Variants in BRWD1 observed in about 807,000 individuals in gnomAD.
BRWD1 encodes bromodomain and WD repeat-containing protein 1.
A neutral mutation model predicts 251.2 loss-of-function variants in BRWD1; 82 were observed. That is an observed-to-expected ratio of 0.33 (90% CI 0.27 to 0.39). The LOEUF (loss-of-function observed/expected upper bound fraction) is 0.39. BRWD1 is among the 10% of genes least tolerant of loss of function. The pLI, the probability that BRWD1 is intolerant of heterozygous loss-of-function variation, is 1.00. For missense variants in BRWD1, 2,233 were observed against 2,711.6 expected, an observed-to-expected ratio of 0.82 and a Z score of 3.92; for synonymous variants, 918 against 902.8, an observed-to-expected ratio of 1.02 and a Z score of -0.30.
At chr21:39,242,562 T>C (rs555062147) in intron 21 of BRWD1, among the ~76,000 whole-genome samples, 1 of 152,218 alleles carries the variant, frequency 6.6e-6, no homozygotes, top group South Asian at 2.1e-4. Flanking sequence ...GGAAAGTGGC[T>C]ACAATAACAG....
At chr21:39,233,793 G>A (rs1191871772) in intron 23 of BRWD1, among the ~76,000 whole-genome samples, 1 of 152,204 alleles carries the variant, frequency 6.6e-6, no homozygotes, top group East Asian at 1.9e-4. Context: ...GCTGAGGCAG[G>A]TGGATCACTT....
At chr21:39,249,915 GGTGTGTGTGTGTGTGTGT>G (rs368656743) in intron 20 of BRWD1, among the ~76,000 whole-genome samples, 1 of 68,590 alleles carries the variant, frequency 1.5e-5, no homozygotes, top group Admixed American at 1.5e-4. Context: ...AAAGAAGGGG[GGTGTGTGTGTGTGTGTGT>G]GTGTGTGTGT....
At chr21:39,307,177 A>G (rs1383302342) in intron 4 of BRWD1, among the ~76,000 whole-genome samples, 6 of 152,180 alleles carry the variant, frequency 3.9e-5, no homozygotes. Flanking sequence ...TAATCATAAA[A>G]TATTTTATAC....
rs1193193531 is a variant in BRWD1, at chr21:39,192,182, C to T, written c.*4077G>A. 1 of 985,122 alleles carries T rather than the reference C, an allele frequency of 1.0e-6. No homozygotes were observed. The highest frequency in any genetic ancestry group is 1.1e-4 in the East Asian group (1 of 8,818). The allele number at this position is 985,122 out of a possible 1,614,324, so 61.0% of individuals were successfully genotyped here. A position where few individuals can be genotyped will look rare whatever the true frequency, so the allele number is the denominator to read the frequency against. On this transcript the variant is annotated 3_prime_UTR_variant, in exon 41 of 41. Transcript: ENST00000342449. Reference sequence around the variant, plus strand: ...TTGAGAATCCCCATGTATCCTTGGGCAACATCTCTGTAATTTAACAGCCTT... The same window carrying T: ...TTGAGAATCCCCATGTATCCTTGGGTAACATCTCTGTAATTTAACAGCCTT...
At chr21:39,283,009 A>C (rs1172012264) in intron 8 of BRWD1, among the ~76,000 whole-genome samples, 1 of 151,940 alleles carries the variant, frequency 6.6e-6, no homozygotes, top group Admixed American at 6.6e-5. Context: ...ATGAAAGAAT[A>C]TGTTTAAGTC....
At chr21:39,283,917 T>C (rs566229695) in intron 8 of BRWD1, among the ~76,000 whole-genome samples, 20 of 152,310 alleles carry the variant, frequency 1.3e-4, no homozygotes, top group Non-Finnish European at 2.4e-4. Flanking sequence ...GTATGAACTA[T>C]GATTTCTAAA....
In BRWD1 at chr21:39,313,361, G is replaced by A. The variant is rs887459074; in HGVS notation, c.50-62C>T. 18 of 1,479,862 alleles carry A rather than the reference G, an allele frequency of 1.2e-5. 1 individual carries two copies. Among genetic ancestry groups the A allele is most frequent in the Middle Eastern group, 2.3e-4 (1 of 4,304 alleles). 91.7% of individuals were successfully genotyped at this position (1,479,862 alleles called of 1,614,324 possible). A position where few individuals can be genotyped will look rare whatever the true frequency, so the allele number is the denominator to read the frequency against. ...GGGAGGGGAGGGGGACGGGGCCAGG[G>A]GAGCCGGGGGAGCCCGGGGAGCCGG... is the stretch of plus-strand genomic sequence containing the variant. On this transcript the variant is annotated intron_variant, in intron 1 of 40. Transcript: ENST00000342449.
chr21:39,255,863 A>G (rs1209256781), intron 18 of BRWD1, 35 bp from the exon 19 acceptor site: 5 of 1,572,952 alleles, frequency 3.2e-6, no homozygotes, highest in Admixed American at 1.7e-5. Flanking sequence ...ATTCCAATAC[A>G]CTTTTAAACT....
intron 12 of BRWD1, among the ~76,000 whole-genome samples, chr21:39,275,244 G>A (rs2035243101): frequency 6.6e-6 from 1 of 152,080 alleles, no homozygotes; most frequent in Admixed American, 6.6e-5. Context: ...AAAGGGACCT[G>A]ACACACAATG....
rs2031403179 is a variant in BRWD1, at chr21:39,189,025, C to A, written c.*7234G>T. On this transcript the variant is annotated 3_prime_UTR_variant, in exon 41 of 41. Transcript: ENST00000342449. ...TGTGTTTACCACTTCAAAGACACTTCTCTTGGGAATTTTAAAATTATGAAC... is the reference window on the plus strand; with the variant it reads ...TGTGTTTACCACTTCAAAGACACTTATCTTGGGAATTTTAAAATTATGAAC... 1.0e-6 allele frequency: 1 copy of A among 985,222 alleles called. No homozygotes were observed. Among genetic ancestry groups the A allele is most frequent in the Non-Finnish European group, 1.2e-6 (1 of 829,888 alleles). The allele number at this position is 985,222 out of a possible 1,614,324, so 61.0% of individuals were successfully genotyped here.
intron 19 of BRWD1, among the ~76,000 whole-genome samples, chr21:39,255,407 C>A (rs1341571959): frequency 6.6e-6 from 1 of 150,526 alleles, no homozygotes; most frequent in African/African-American, 2.4e-5. Context: ...AGCGAAACTC[C>A]GTCTCGAAAA....
rs1210349346 is a variant in BRWD1 at position 39,189,440 on chromosome 21, T to G, written c.*6819A>C. Reference sequence around the variant, plus strand: ...TAATTCTAACACATTTTAATAAATGTTTATTTGTCATCCAGAATAATGGAA... The same window carrying G: ...TAATTCTAACACATTTTAATAAATGGTTATTTGTCATCCAGAATAATGGAA... On this transcript the variant is annotated 3_prime_UTR_variant, in exon 41 of 41. Coordinates refer to ENST00000342449, the MANE Select transcript of BRWD1 (RefSeq NM_033656.4). The G allele has an allele frequency of 4.1e-6, 4 of 971,824 alleles. No homozygotes were observed. The East Asian group carries it at 4.6e-4, about 111-fold the overall frequency. 60.2% of individuals were successfully genotyped at this position (971,824 alleles called of 1,614,324 possible).
intron 25 of BRWD1, among the ~76,000 whole-genome samples, chr21:39,229,814 A>G (rs535293462): frequency 4.2e-4 from 64 of 152,256 alleles, no homozygotes; most frequent in African/African-American, 1.5e-3. Context: ...GCTCACTGCA[A>G]TCTCAAACTC....
rs554081829 is a variant in BRWD1 at position 39,282,831 on chromosome 21, C to T, written c.832-2583G>A. Among the ~76,000 whole-genome samples, 161 of 151,812 alleles carry T rather than the reference C, an allele frequency of 1.1e-3. 1 individual carries two copies. The highest frequency in any genetic ancestry group is 3.5e-3 in the African/African-American group (146 of 41,382). On this transcript the variant is annotated intron_variant, in intron 8 of 40. Transcript: ENST00000342449. ...AAAATTAGCCATGCATGGTGGTGGG[C>T]GCCTGTAATCCCAACTACTCGGGAG...
chr21:39,247,194 A>C (rs1241206618), intron 21 of BRWD1, among the ~76,000 whole-genome samples: 1 of 152,202 alleles, frequency 6.6e-6, no homozygotes, highest in African/African-American at 2.4e-5. Flanking sequence ...AAGTGACTGT[A>C]AATGGGAATA....
chr21:39,187,171 G>C lies in BRWD1; in HGVS notation c.*9088C>G. The C allele has an allele frequency of 6.2e-7, 1 of 1,613,724 alleles. No homozygotes were observed. Among genetic ancestry groups the C allele is most frequent in the South Asian group, 1.1e-5 (1 of 90,950 alleles). On this transcript the variant is annotated 3_prime_UTR_variant, in exon 41 of 41. Transcript: ENST00000342449. ...CAGTAATTTTTTCTTAGCCGCAGCA[G>C]AAGCATTTCGATGGGGCAGTTTTCT...
chr21:39,315,317 A>G (rs1330411928), upstream of BRWD1, among the ~76,000 whole-genome samples: 3 of 151,820 alleles, frequency 2.0e-5, no homozygotes, highest in Non-Finnish European at 2.9e-5. Context: ...AAGCTTTTAT[A>G]TATATTTATA....
chr21:39,294,500 A>AG (rs1568963533), intron 7 of BRWD1, among the ~76,000 whole-genome samples: 10 of 152,012 alleles, frequency 6.6e-5, no homozygotes, highest in Admixed American at 5.2e-4. Context: ...TAAAAAATAC[A>AG]AAAAATTAGC....
At chr21:39,248,266 C>G (rs190358665) in intron 20 of BRWD1, among the ~76,000 whole-genome samples, 2 of 152,060 alleles carry the variant, frequency 1.3e-5, no homozygotes. Flanking sequence ...TAGAGAAATG[C>G]AAATCAAAAC....
Sources: allele counts gnomAD v4.1 joint callset (sites outside exome capture counted in the v4.1 genomes callset), GRCh38; gene constraint gnomAD v4.1.1; transcripts MANE v1.5; gene names NCBI Gene and HGNC (gene_info 2026-07-23, HGNC 2026-07-21).